The following SHROOM3 variants were observed in gnomAD, a reference collection of about 807,000 sequenced individuals.
SHROOM3 encodes protein Shroom3.
A neutral mutation model predicts 138.6 loss-of-function variants in SHROOM3; 47 were observed. The ratio of observed to expected loss-of-function variants is 0.34; its 90% CI spans 0.27 to 0.43. SHROOM3 has a LOEUF of 0.43. SHROOM3 is among the 20% of genes least tolerant of loss of function. The pLI is 1.00. For synonymous variants in SHROOM3, 1,062 were observed against 1,063.3 expected (o/e 1.00, Z 0.02); for missense variants, 2,491 against 2,596.5 (o/e 0.96, Z 0.88).
At chr4:76,733,576 C>T (rs1292827830) in intron 4 of SHROOM3, among the ~76,000 whole-genome samples, 2 of 152,156 alleles carry the variant, frequency 1.3e-5, no homozygotes, top group African/African-American at 4.8e-5. Context: ...GAGGGCTTGA[C>T]CCCCATGCTG....
At chr4:76,619,789 TG>T (rs1264582144) in intron 2 of SHROOM3, among the ~76,000 whole-genome samples, 1 of 151,868 alleles carries the variant, frequency 6.6e-6, no homozygotes, top group Non-Finnish European at 1.5e-5. Flanking sequence ...TGGCCAGGCG[TG>T]GTGGCTCATG....
At chr4:76,568,289 G>A (rs1394791637) in intron 2 of SHROOM3, among the ~76,000 whole-genome samples, 1 of 152,202 alleles carries the variant, frequency 6.6e-6, no homozygotes, top group Non-Finnish European at 1.5e-5. Flanking sequence ...TTCATGACTT[G>A]TAAAGTGGGG....
At chr4:76,709,372 G>A (rs921002449) in intron 2 of SHROOM3, among the ~76,000 whole-genome samples, 1 of 152,200 alleles carries the variant, frequency 6.6e-6, no homozygotes, top group African/African-American at 2.4e-5. Context: ...AAAGCCTGAT[G>A]CAGGGGACAG....
chr4:76,444,115 A>T (rs4560438), intron 1 of SHROOM3, among the ~76,000 whole-genome samples: 1 of 151,756 alleles, frequency 6.6e-6, no homozygotes, highest in African/African-American at 2.4e-5. Context: ...GGGTTTTGCT[A>T]TGTTTCCCAG....
chr4:76,468,426 AATT>A (rs936121073), intron 1 of SHROOM3, among the ~76,000 whole-genome samples: 1 of 152,152 alleles, frequency 6.6e-6, no homozygotes, highest in Non-Finnish European at 1.5e-5. Flanking sequence ...AGGGCAAACA[AATT>A]ATAGAATTCC....
intron 1 of SHROOM3, among the ~76,000 whole-genome samples, chr4:76,473,655 G>T (rs894363974): frequency 2.0e-4 from 31 of 152,054 alleles, no homozygotes; most frequent in African/African-American, 7.2e-4. Context: ...ATGGGCAAGA[G>T]GTTTGAACAG....
At chr4:76,639,317 A>G (rs2110079536) in intron 2 of SHROOM3, among the ~76,000 whole-genome samples, 1 of 152,296 alleles carries the variant, frequency 6.6e-6, no homozygotes, top group African/African-American at 2.4e-5. Flanking sequence ...TATTTCTCCA[A>G]AAAGTGCTTG....
chr4:76,741,179 C>T lies in SHROOM3; in HGVS notation c.3006C>T (p.Ala1002=). The T allele has an allele frequency of 1.9e-6, 3 of 1,590,420 alleles. 1 individual carries two copies. Among genetic ancestry groups the T allele is most frequent in the Non-Finnish European group, 2.6e-6 (3 of 1,169,638 alleles). The change falls in exon 5 of 11, where the codon GCC becomes GCT. Residue 1002 remains alanine, a synonymous_variant. Coordinates refer to ENST00000296043, the MANE Select transcript of SHROOM3 (RefSeq NM_020859.4). The surrounding 1 kb of genome is among the most constrained non-coding windows in gnomAD (Gnocchi z 6.2). ...EGDLARPVPP[A]ARRGARRRLT... ...ACCTGGCCAGGCCCGTGCCCCCTGC[C>T]GCCCGGAGAGGTGCTCGCCGGCGCC...
intron 2 of SHROOM3, among the ~76,000 whole-genome samples, chr4:76,560,745 A>T (rs937884687): frequency 6.6e-6 from 1 of 152,228 alleles, no homozygotes; most frequent in African/African-American, 2.4e-5. Flanking sequence ...TTATAATGCT[A>T]TGCAAGCCAG....
At chr4:76,736,103 G>A (rs961067347) in intron 4 of SHROOM3, among the ~76,000 whole-genome samples, 52 of 147,328 alleles carry the variant, frequency 3.5e-4, no homozygotes, top group African/African-American at 1.3e-3. Context: ...GCCCTTATGG[G>A]GTTCCATTTC....
chr4:76,610,198 T>C (rs1206188422), intron 2 of SHROOM3, among the ~76,000 whole-genome samples: 1 of 152,234 alleles, frequency 6.6e-6, no homozygotes, highest in Admixed American at 6.5e-5. Context: ...GTGGCAGTTG[T>C]CTAGCCAAAA....
intron 1 of SHROOM3, among the ~76,000 whole-genome samples, chr4:76,549,855 A>G (rs1231512989): frequency 1.3e-5 from 2 of 152,090 alleles, no homozygotes; most frequent in African/African-American, 4.8e-5. Flanking sequence ...AGTTAACTGA[A>G]ATGAGTTAGA....
chr4:76,510,376 A>C (rs944545983), intron 1 of SHROOM3, among the ~76,000 whole-genome samples: 14 of 152,278 alleles, frequency 9.2e-5, no homozygotes, highest in African/African-American at 3.4e-4. Flanking sequence ...AGATTGTACT[A>C]GTTACAGACT....
At chr4:76,684,467 T>G (rs542020313) in intron 2 of SHROOM3, among the ~76,000 whole-genome samples, 1 of 152,280 alleles carries the variant, frequency 6.6e-6, no homozygotes, top group Admixed American at 6.5e-5. Context: ...ACAGGCTCCA[T>G]GCGCATTGTA....
intron 2 of SHROOM3, among the ~76,000 whole-genome samples, chr4:76,624,635 T>C (rs1735087474): frequency 6.6e-6 from 1 of 152,144 alleles, no homozygotes; most frequent in Non-Finnish European, 1.5e-5. Flanking sequence ...AAAGAGTGGT[T>C]ATCGTGGTGT....
chr4:76,493,224 C>CAAAAA lies in SHROOM3; in HGVS notation c.168+57024_168+57028dup, dbSNP rs35837765. On this transcript the variant is annotated intron_variant, in intron 1 of 10. Coordinates refer to ENST00000296043, the MANE Select transcript of SHROOM3 (RefSeq NM_020859.4). The stretch of plus-strand genomic sequence containing the variant: ...CAGCAACAGGAGTGAAACTCCATCT[C>CAAAAA]AAAAAAAAAAAAAAAAAAAAAAAAT... 6.4e-3 allele frequency among the ~76,000 whole-genome samples: 359 copies of CAAAAA among 56,474 alleles called. 10 individuals are homozygous for CAAAAA. Among genetic ancestry groups the CAAAAA allele is most frequent in the African/African-American group, 0.02 (344 of 17,262 alleles). 37.0% of individuals were successfully genotyped at this position (56,474 alleles called of 152,430 possible). A position where few individuals can be genotyped will look rare whatever the true frequency, so the allele number is the denominator to read the frequency against.
intron 2 of SHROOM3, among the ~76,000 whole-genome samples, chr4:76,582,763 C>A (rs988449141): frequency 6.6e-6 from 1 of 152,150 alleles, no homozygotes; most frequent in Non-Finnish European, 1.5e-5. Flanking sequence ...TGTTCTAGAC[C>A]AGAGGCCTCC....
chr4:76,779,253 AC>A lies in SHROOM3; in HGVS notation c.*78del. 1.3e-6 allele frequency: 2 copies of A among 1,511,522 alleles called. No homozygotes were observed. Among genetic ancestry groups the A allele is most frequent in the Non-Finnish European group, 1.8e-6 (2 of 1,132,230 alleles). 93.6% of individuals were successfully genotyped at this position (1,511,522 alleles called of 1,614,324 possible). The stretch of plus-strand genomic sequence containing the variant: ...TAATCTGAAAAATGTTTCAGTACAA[AC>A]CACTGTTTGAACTATCTGGGTTATT... On this transcript the variant is annotated 3_prime_UTR_variant, in exon 11 of 11. Transcript: ENST00000296043.
intron 1 of SHROOM3, among the ~76,000 whole-genome samples, chr4:76,510,230 A>G (rs531162119): frequency 6.6e-6 from 1 of 152,342 alleles, no homozygotes; most frequent in East Asian, 1.9e-4. Context: ...ATCAATTTCA[A>G]TGTGCCATAA....
Sources: gnomAD v4.1 joint callset for allele counts (sites outside exome capture counted in the v4.1 genomes callset) on GRCh38, gnomAD v4.1.1 for gene constraint, Gnocchi (gnomAD v3.1) non-coding constraint, MANE v1.5 for transcripts, NCBI Gene and HGNC (gene_info 2026-07-23, HGNC 2026-07-21) for gene names.